CARMIL1: variants seen among roughly 807,000 people sequenced by gnomAD.
The protein encoded by CARMIL1 is F-actin-uncapping protein LRRC16A.
In CARMIL1, 90 loss-of-function variants were observed where a neutral mutation model predicts 177.1. The ratio of observed to expected loss-of-function variants is 0.51; its 90% CI spans 0.43 to 0.61. CARMIL1 has a LOEUF of 0.61. CARMIL1 is among the 20% of genes least tolerant of loss of function. The pLI, the probability that CARMIL1 is intolerant of heterozygous loss-of-function variation, is 0.00. For missense variants in CARMIL1, 1,380 were observed against 1,667.0 expected (o/e 0.83, Z 3.00); for synonymous variants, 577 against 606.2 (o/e 0.95, Z 0.71).
intron 22 of CARMIL1, among the ~76,000 whole-genome samples, chr6:25,519,563 A>G (rs1252110134): frequency 6.6e-6 from 1 of 152,230 alleles, no homozygotes; most frequent in East Asian, 1.9e-4. Flanking sequence ...ACAGCAATCA[A>G]CAGTTGCTTC....
At chr6:25,579,960 T>G (rs1341004758) in intron 29 of CARMIL1, among the ~76,000 whole-genome samples, 2 of 152,188 alleles carry the variant, frequency 1.3e-5, no homozygotes, top group African/African-American at 4.8e-5. Context: ...CAAACTAAGT[T>G]CTTTCAGTTA....
At position 25,381,408 on chromosome 6, in the gene CARMIL1, C is replaced by T. The variant is rs370705718; in HGVS notation, c.139-38706C>T. ...AACAACCAATTCTTCGACTCTGACACTACCCAGAGTTAGCACAGACCCCAC... is the reference window on the plus strand; with the variant it reads ...AACAACCAATTCTTCGACTCTGACATTACCCAGAGTTAGCACAGACCCCAC... On this transcript the variant is annotated intron_variant, in intron 2 of 36. Transcript: ENST00000329474. Among the ~76,000 whole-genome samples, 6 of 152,194 alleles carry T rather than the reference C, an allele frequency of 3.9e-5. No homozygotes were observed. In the East Asian group the frequency reaches 1.2e-3, roughly 29 times the overall value.
At chr6:25,447,798 C>T (rs1013663603) in intron 5 of CARMIL1, among the ~76,000 whole-genome samples, 1 of 152,140 alleles carries the variant, frequency 6.6e-6, no homozygotes, top group African/African-American at 2.4e-5. Flanking sequence ...GGCCTCCAGA[C>T]TGGGGGTGGC....
At chr6:25,389,716 G>A (rs1792555880) in intron 2 of CARMIL1, among the ~76,000 whole-genome samples, 1 of 152,184 alleles carries the variant, frequency 6.6e-6, no homozygotes, top group African/African-American at 2.4e-5. Context: ...GGTAAGGCAA[G>A]CTAATGTTGG....
At position 25,491,713 on chromosome 6, in the gene CARMIL1, T is replaced by C. The variant is rs781055153; in HGVS notation, c.1066-19T>C. 9.3e-6 allele frequency: 14 copies of C among 1,512,116 alleles called. No individual in the cohort carries two copies. Among genetic ancestry groups the C allele is most frequent in the Non-Finnish European group, 9.0e-6 (10 of 1,106,142 alleles). The allele number at this position is 1,512,116 out of a possible 1,614,324, so 93.7% of individuals were successfully genotyped here. A position where few individuals can be genotyped will look rare whatever the true frequency, so the allele number is the denominator to read the frequency against. ...TGTGTTTCTAGAATCCTAACATTTA[T>C]CTTTTATTTTTTTTCAAGCACATGT... On this transcript the variant is annotated intron_variant, in intron 13 of 36. Transcript: ENST00000329474.
At chr6:25,315,135 T>C (rs1784168477) in intron 2 of CARMIL1, among the ~76,000 whole-genome samples, 1 of 152,276 alleles carries the variant, frequency 6.6e-6, no homozygotes, top group South Asian at 2.1e-4. Context: ...AGTCTTTAGG[T>C]GTCCTCCCAA....
intron 2 of CARMIL1, among the ~76,000 whole-genome samples, chr6:25,360,090 G>C (rs555581031): frequency 3.3e-5 from 5 of 152,288 alleles, no homozygotes; most frequent in African/African-American, 1.2e-4. Flanking sequence ...GCCTCCCGGA[G>C]GGGTGGGGGA....
At chr6:25,458,339 T>A (rs1158919359) in intron 8 of CARMIL1, among the ~76,000 whole-genome samples, 1 of 152,056 alleles carries the variant, frequency 6.6e-6, no homozygotes, top group South Asian at 2.1e-4. Flanking sequence ...ATACAAAAAA[T>A]TAGCTGGGCG....
intron 33 of CARMIL1, among the ~76,000 whole-genome samples, chr6:25,602,521 T>G (rs1380905636): frequency 6.6e-6 from 1 of 152,254 alleles, no homozygotes; most frequent in Non-Finnish European, 1.5e-5. Flanking sequence ...GACAAAACCC[T>G]TATGGTTTTA....
At chr6:25,343,341 C>T (rs1381435367) in intron 2 of CARMIL1, among the ~76,000 whole-genome samples, 1 of 148,220 alleles carries the variant, frequency 6.7e-6, no homozygotes, top group Non-Finnish European at 1.5e-5. Flanking sequence ...TTGGACAAGC[C>T]AGTTTTACAA....
At chr6:25,510,279 A>G (rs754250203) in intron 18 of CARMIL1, among the ~76,000 whole-genome samples, 1 of 152,154 alleles carries the variant, frequency 6.6e-6, no homozygotes, top group Non-Finnish European at 1.5e-5. Context: ...CTGATTGTAT[A>G]AGAGATTTAG....
chr6:25,428,748 A>T (rs1219521196), intron 4 of CARMIL1, among the ~76,000 whole-genome samples: 1 of 152,192 alleles, frequency 6.6e-6, no homozygotes, highest in Admixed American at 6.5e-5. Flanking sequence ...ACATATGTCT[A>T]AATTCATTCC....
In CARMIL1 at chr6:25,556,757, C is replaced by A. The variant is rs761629624; in HGVS notation, c.2649C>A (p.Ile883=). 3 of 1,613,438 alleles carry A rather than the reference C, an allele frequency of 1.9e-6. No individual in the cohort carries two copies. Among genetic ancestry groups the A allele is most frequent in the Non-Finnish European group, 2.5e-6 (3 of 1,179,686 alleles). The change falls in exon 29 of 37, where the codon ATC becomes ATA. Residue 883 remains isoleucine (I), a synonymous_variant. Transcript: ENST00000329474. ...TTCCTCAACAAGAATCCTTAGAGATCGAGCTGGCTGAGGAGAAGCCAGTTA... is the reference window on the plus strand; with the variant it reads ...TTCCTCAACAAGAATCCTTAGAGATAGAGCTGGCTGAGGAGAAGCCAGTTA... ...KTLPQQESLE[I]ELAEEKPVKR...
intron 29 of CARMIL1, among the ~76,000 whole-genome samples, chr6:25,570,764 C>T (rs900823923): frequency 4.6e-5 from 7 of 152,202 alleles, no homozygotes; most frequent in South Asian, 4.2e-4. Context: ...ATGAGTGTAG[C>T]GTGAATAGCT....
intron 9 of CARMIL1, among the ~76,000 whole-genome samples, chr6:25,469,158 A>G (rs1011739903): frequency 6.6e-6 from 1 of 152,206 alleles, no homozygotes; most frequent in Non-Finnish European, 1.5e-5. Context: ...AATCAGTGGG[A>G]CACATTAGAA....
chr6:25,289,697 G>A (rs560137595), intron 2 of CARMIL1, among the ~76,000 whole-genome samples: 14 of 152,338 alleles, frequency 9.2e-5, no homozygotes, highest in African/African-American at 3.4e-4. Flanking sequence ...TACTCATACA[G>A]TATCCCCTTT....
At chr6:25,603,498 T>C (rs1815636055) in intron 33 of CARMIL1, among the ~76,000 whole-genome samples, 1 of 152,184 alleles carries the variant, frequency 6.6e-6, no homozygotes, top group African/African-American at 2.4e-5. Context: ...GGTAGATTGA[T>C]GAATTCAGGG....
rs560603081 is a variant in CARMIL1, at chr6:25,517,765, T to C, written c.1874+350T>C. The stretch of plus-strand genomic sequence containing the variant: ...CACAATCTACACTAGGTCTTGTTCT[T>C]TTTCCTATTGTGACACCTTTGAATT... On this transcript the variant is annotated intron_variant, in intron 22 of 36. Transcript: ENST00000329474. Among the ~76,000 whole-genome samples, 5 of 152,330 alleles carry C rather than the reference T, an allele frequency of 3.3e-5. No homozygotes were observed. The East Asian group carries it at 9.6e-4, about 29-fold the overall frequency.
intron 2 of CARMIL1, among the ~76,000 whole-genome samples, chr6:25,293,790 C>T (rs1782178508): frequency 6.6e-6 from 1 of 151,994 alleles, no homozygotes; most frequent in African/African-American, 2.4e-5. Context: ...GGCATGATCT[C>T]AACTCATTGC....
Sources: allele counts gnomAD v4.1 joint callset (sites outside exome capture counted in the v4.1 genomes callset), GRCh38; gene constraint gnomAD v4.1.1; transcripts MANE v1.5; gene names NCBI Gene and HGNC (gene_info 2026-07-23, HGNC 2026-07-21).